Variants in CREB3L2 observed in about 807,000 individuals in gnomAD.
CREB3L2 encodes cAMP responsive element binding protein 3 like 2.
In CREB3L2, 23 loss-of-function variants were observed where a neutral mutation model predicts 57.2. That is an observed-to-expected ratio of 0.40 (90% CI 0.29 to 0.57). The LOEUF (loss-of-function observed/expected upper bound fraction) is 0.57, where lower values mean the gene tolerates loss of function less well. Among genes scored for constraint, CREB3L2 ranks in the 20% least tolerant of loss-of-function variants. The pLI is 0.42. For synonymous variants in CREB3L2, 268 were observed against 265.1 expected (o/e 1.01, Z -0.11); for missense variants, 628 against 634.7 (o/e 0.99, Z 0.11).
chr7:137,941,391 C>A (rs1294592844), intron 1 of CREB3L2, among the ~76,000 whole-genome samples: 3 of 152,236 alleles, frequency 2.0e-5, no homozygotes. Context: ...GTTCTTATCT[C>A]CATCGTGGCC....
intron 8 of CREB3L2, among the ~76,000 whole-genome samples, chr7:137,891,064 A>T (rs574331490): frequency 6.6e-6 from 1 of 152,344 alleles, no homozygotes; most frequent in Non-Finnish European, 1.5e-5. Flanking sequence ...CTCTTAGCAT[A>T]CGTTTATCTG....
rs529857109 is a variant in CREB3L2, at chr7:137,969,473, A to G, written c.102+32131T>C. 2.0e-5 allele frequency among the ~76,000 whole-genome samples: 3 copies of G among 150,596 alleles called. 1 individual carries two copies. Among genetic ancestry groups the G allele is most frequent in the African/African-American group, 7.3e-5 (3 of 41,004 alleles). ...GCCATTCTCCTGCCTCAGCCTCCCA[A>G]GTAGCTGGGACTACAGGCGCCCGCC... On this transcript the variant is annotated intron_variant, in intron 1 of 11. Transcript: ENST00000330387.
intron 1 of CREB3L2, among the ~76,000 whole-genome samples, chr7:137,958,766 T>C (rs1801265585): frequency 6.6e-6 from 1 of 152,176 alleles, no homozygotes; most frequent in South Asian, 2.1e-4. Flanking sequence ...GAAGAGCCTC[T>C]AGTGAGGTCA....
intron 1 of CREB3L2, among the ~76,000 whole-genome samples, chr7:137,992,398 T>C (rs530420173): frequency 1.3e-5 from 2 of 152,244 alleles, no homozygotes; most frequent in East Asian, 3.9e-4. Context: ...GGGTTTACAC[T>C]GCAAGAGAGC....
At chr7:137,882,298 A>G in intron 11 of CREB3L2, 114 bp downstream of exon 11, 1 of 728,600 alleles carries the variant, frequency 1.4e-6, no homozygotes, top group Non-Finnish European at 2.3e-6. Flanking sequence ...GTCCTGAGAG[A>G]GCTGAGGGAC....
intron 8 of CREB3L2, among the ~76,000 whole-genome samples, chr7:137,895,632 G>C (rs1293394799): frequency 5.8e-5 from 1 of 17,332 alleles, no homozygotes; most frequent in East Asian, 2.1e-3. Flanking sequence ...GGCTGCTGCT[G>C]AGTCCAGTAC....
intron 1 of CREB3L2, among the ~76,000 whole-genome samples, chr7:137,947,983 C>T (rs965221950): frequency 2.0e-5 from 3 of 152,156 alleles, no homozygotes; most frequent in Non-Finnish European, 4.4e-5. Flanking sequence ...CGGGCTCTGC[C>T]ACTCTGCAGC....
chr7:137,999,657 C>T (rs186556394), intron 1 of CREB3L2: 66 of 152,322 alleles, frequency 4.3e-4, no homozygotes, highest in African/African-American at 1.5e-3. Flanking sequence ...CTCTCCCAAA[C>T]GTCCCTTAGT....
chr7:137,912,051 G>T (rs1297829670), intron 4 of CREB3L2, among the ~76,000 whole-genome samples: 3 of 152,080 alleles, frequency 2.0e-5, no homozygotes, highest in Non-Finnish European at 4.4e-5. Flanking sequence ...AACTCAGAAA[G>T]AAACTGACAT....
intron 2 of CREB3L2, 47 bp downstream of exon 2, chr7:137,928,103 G>C: frequency 4.1e-6 from 6 of 1,459,702 alleles, no homozygotes; most frequent in South Asian, 3.7e-5. Flanking sequence ...CAAGAGCTCA[G>C]AACCAAAGGC....
chr7:137,907,598 G>C (rs1384151380), intron 5 of CREB3L2, among the ~76,000 whole-genome samples: 1 of 152,172 alleles, frequency 6.6e-6, no homozygotes, highest in Non-Finnish European at 1.5e-5. Flanking sequence ...AAATTTTCTA[G>C]TTGTGAGATT....
intron 1 of CREB3L2, among the ~76,000 whole-genome samples, chr7:137,944,400 C>T (rs273995): frequency 0.38 from 58,094 of 152,088 alleles, 13,698 homozygotes; most frequent in East Asian, 0.78. Flanking sequence ...TTCTGGCTCA[C>T]AAAAGAGGTA....
chr7:137,904,032 T>G lies in CREB3L2; in HGVS notation c.916-15A>C. 1 of 1,603,642 alleles carries G rather than the reference T, an allele frequency of 6.2e-7. No individual in the cohort carries two copies. The highest frequency in any genetic ancestry group is 1.1e-5 in the South Asian group (1 of 90,878). ...TGAGCAGAAATCTGAGAGAGAGGAG[T>G]GGGAGGAGAATGATTAATTTCCAGC... On this transcript the variant is annotated splice_polypyrimidine_tract_variant and intron_variant, in intron 6 of 11. Coordinates refer to ENST00000330387, the MANE Select transcript of CREB3L2 (RefSeq NM_194071.4).
chr7:137,950,391 TG>T (rs1307974611), intron 1 of CREB3L2, among the ~76,000 whole-genome samples: 1 of 152,190 alleles, frequency 6.6e-6, no homozygotes, highest in Non-Finnish European at 1.5e-5. Flanking sequence ...AGTCCACACT[TG>T]TCTTTTTCTG....
At chr7:137,995,318 T>C (rs1801969882) in intron 1 of CREB3L2, among the ~76,000 whole-genome samples, 1 of 121,152 alleles carries the variant, frequency 8.3e-6, no homozygotes, top group Non-Finnish European at 1.7e-5. Context: ...CTATTTCTTT[T>C]TTTTTCTTTT....
In CREB3L2 at chr7:137,905,833, C is replaced by G; in HGVS notation, c.784G>C (p.Gly262Arg). Reference protein sequence around the residue: ...LTAPHKLQGSGPLVLTEEEKR... With the variant: ...LTAPHKLQGSRPLVLTEEEKR... Reference sequence around the variant, plus strand: ...TCCTCCTCTGTCAGGACCAGAGGGCCTGATCCCTGCAGTTTCTGTGCAGAC... The same window carrying G: ...TCCTCCTCTGTCAGGACCAGAGGGCGTGATCCCTGCAGTTTCTGTGCAGAC... Residue 262 changes from glycine (G) to arginine (R), a missense_variant, in exon 6 of 12, where the codon GGC becomes CGC. Gly to Arg is a moderately radical substitution (Grantham distance 125, BLOSUM62 -2). This residue lies in a region of CREB3L2 where 339 missense variants were observed against 355.4 expected (regional missense o/e 0.95). Coordinates refer to ENST00000330387, the MANE Select transcript of CREB3L2 (RefSeq NM_194071.4). 1 of 1,612,404 alleles carries G rather than the reference C, an allele frequency of 6.2e-7. No individual in the cohort carries two copies. The highest frequency in any genetic ancestry group is 8.5e-7 in the Non-Finnish European group (1 of 1,179,320).
At chr7:137,905,392 T>TAA (rs35597981) in intron 6 of CREB3L2, among the ~76,000 whole-genome samples, 6 of 137,554 alleles carry the variant, frequency 4.4e-5, no homozygotes, top group South Asian at 2.3e-4. Flanking sequence ...AAGGCTGAGT[T>TAA]AAAAAAAAAA....
intron 1 of CREB3L2, among the ~76,000 whole-genome samples, chr7:137,954,249 C>T (rs1341718547): frequency 6.6e-6 from 1 of 151,890 alleles, no homozygotes; most frequent in Non-Finnish European, 1.5e-5. Context: ...GATCTTAGTG[C>T]TTGTTTACAT....
rs752139663 is a variant in CREB3L2, at chr7:137,882,475, T to C, written c.1424A>G (p.His475Arg). The C allele has an allele frequency of 5.0e-6, 8 of 1,613,150 alleles. No individual in the cohort carries two copies. Among genetic ancestry groups the C allele is most frequent in the Non-Finnish European group, 6.8e-6 (8 of 1,179,668 alleles). The change falls in exon 11 of 12, where the codon CAT becomes CGT. Residue 475 changes from histidine to arginine, a missense_variant. By Grantham distance (29) the His-to-Arg change is conservative (BLOSUM62 0). Transcript: ENST00000330387. ...LESRPDVDLP[H>R]FIISNETSLE... ...GCTGGTCTCATTCGAGATAATGAAA[T>C]GGGGAAGATCCACATCCGGCCTGGA...
Sources: gnomAD v4.1 joint callset for allele counts (sites outside exome capture counted in the v4.1 genomes callset) on GRCh38, gnomAD v4.1.1 for gene constraint, gnomAD v4.1.1 regional missense constraint, MANE v1.5 for transcripts, NCBI Gene and HGNC (gene_info 2026-07-23, HGNC 2026-07-21) for gene names.